The following GAK variants were observed in gnomAD, a reference collection of about 807,000 sequenced individuals.
GAK encodes cyclin-G-associated kinase.
Under a neutral mutation model 143.9 loss-of-function variants are expected in GAK, and 79 were observed. That is an observed-to-expected ratio of 0.55 (90% confidence interval 0.46 to 0.66). The LOEUF (loss-of-function observed/expected upper bound fraction) is 0.66. Ranked by LOEUF, GAK falls within the 30% of genes least tolerant of loss-of-function variation. GAK has a pLI of 0.00. For synonymous variants in GAK, 881 were observed against 765.5 expected (o/e 1.15, Z -2.49); for missense variants, 1,693 against 1,779.7 (o/e 0.95, Z 0.88).
Position 897,767 on chromosome 4 carries a change from G to A in GAK, c.651+266C>T, listed in dbSNP as rs1041731310. 2.0e-5 allele frequency among the ~76,000 whole-genome samples: 3 copies of A among 152,230 alleles called. 1 individual carries two copies. In the South Asian group the frequency reaches 6.2e-4, roughly 31 times the overall value. On this transcript the variant is annotated intron_variant, in intron 6 of 27. Coordinates refer to ENST00000314167, the MANE Select transcript of GAK (RefSeq NM_005255.4). ...AGATAGAGACCATCCTGGCCAACACGGTGAAACCCCGTCCCTACCAAAAAC... is the reference window on the plus strand; with the variant it reads ...AGATAGAGACCATCCTGGCCAACACAGTGAAACCCCGTCCCTACCAAAAAC...
chr4:866,891 A>C, intron 21 of GAK, 65 bp downstream of exon 21: 1 of 1,219,374 alleles, frequency 8.2e-7, no homozygotes, highest in Non-Finnish European at 1.1e-6. Flanking sequence ...CCATGCAGTG[A>C]GAATGACTCA....
rs754170967 is a variant in GAK at position 932,010 on chromosome 4, G to C, written c.145+33C>G. The C allele has an allele frequency of 6.8e-7, 1 of 1,475,804 alleles. No homozygotes were observed. The highest frequency in any genetic ancestry group is 9.3e-7 in the Non-Finnish European group (1 of 1,076,016). The allele number at this position is 1,475,804 out of a possible 1,614,324, so 91.4% of individuals were successfully genotyped here. A position where few individuals can be genotyped will look rare whatever the true frequency, so the allele number is the denominator to read the frequency against. On this transcript the variant is annotated intron_variant, in intron 1 of 27. Transcript: ENST00000314167. This position sits in a 1 kb window ranked among gnomAD's most constrained non-coding sequence, Gnocchi z 4.0. ...CAGCGTCCCGGAGACAACACTCCGC[G>C]GCCGCACCCGCGCTGCCGACCCGGG...
chr4:926,178 C>A (rs753417955), intron 1 of GAK, among the ~76,000 whole-genome samples: 2 of 152,158 alleles, frequency 1.3e-5, no homozygotes, highest in African/African-American at 4.8e-5. Flanking sequence ...ACAGTGACCT[C>A]CCCCAATGGT....
chr4:862,210 C>T (rs146867348), intron 23 of GAK, among the ~76,000 whole-genome samples: 19 of 152,074 alleles, frequency 1.2e-4, no homozygotes, highest in African/African-American at 1.9e-4. Context: ...CGCTAAGATC[C>T]GGCTGAGATC....
At chr4:876,947 C>T (rs1714039779) in intron 17 of GAK, 143 bp downstream of exon 17, 4 of 626,070 alleles carry the variant, frequency 6.4e-6, no homozygotes, top group Non-Finnish European at 1.1e-5. Flanking sequence ...CGCTGTGGGG[C>T]AGTCGCCACA....
rs544526386 is a variant in GAK at position 903,090 on chromosome 4, C to T, written c.525+1547G>A. 4.1e-4 allele frequency among the ~76,000 whole-genome samples: 61 copies of T among 150,602 alleles called. No homozygotes were observed. The South Asian group carries it at 9.1e-3, about 23-fold the overall frequency. ...AAGCAGCCACATCACATGGAAACCG[C>T]GCAGTGCCGGCAGCAGCACGGAGCG... On this transcript the variant is annotated intron_variant, in intron 5 of 27. Transcript: ENST00000314167.
intron 4 of GAK, among the ~76,000 whole-genome samples, chr4:907,077 G>A (rs1721208565): frequency 6.6e-6 from 1 of 152,232 alleles, no homozygotes; most frequent in South Asian, 2.1e-4. Flanking sequence ...CCCGATGCCT[G>A]CACACAGCAG....
Position 867,200 on chromosome 4 carries a change from T to TGGCACAGGCTCTGGC in GAK, c.2613_2627dup (p.Pro872_Pro876dup). The TGGCACAGGCTCTGGC allele has an allele frequency of 1.9e-6, 3 of 1,610,874 alleles. No homozygotes were observed. The highest frequency in any genetic ancestry group is 2.5e-6 in the Non-Finnish European group (3 of 1,178,492). On this transcript the variant is annotated inframe_insertion, in exon 21 of 28. Coordinates refer to ENST00000314167, the MANE Select transcript of GAK (RefSeq NM_005255.4). ...CCAGGAGGTCGACCCCGTCTTCCTG[T>TGGCACAGGCTCTGGC]GGCACAGGCTCTGGCAGCACAGCCG...
chr4:876,609 T>C lies in GAK; in HGVS notation c.1975A>G (p.Met659Val), dbSNP rs988638986. ...ATCTGGAACATCTTCATGGATGCCA[T>C]CTGCAAAGAGAGCAAACACGACACC... ...STLGGRLQAK[M>V]ASMKMFQIQF... The change falls in exon 18 of 28, where the codon ATG becomes GTG. Residue 659 changes from methionine to valine, a missense_variant and splice_region_variant. Physicochemically the swap from Met to Val is conservative, Grantham distance 21. Transcript: ENST00000314167. 4 of 1,614,036 alleles carry C rather than the reference T, an allele frequency of 2.5e-6. No homozygotes were observed. The highest frequency in any genetic ancestry group is 3.4e-6 in the Non-Finnish European group (4 of 1,179,946).
In GAK at chr4:894,002, C is replaced by T; in HGVS notation, c.749G>A (p.Gly250Asp). ...GAAGCACAGCAGGTACAAGATGCAG[C>T]CCAGGGCCTGCGGGGAGAGCAGGGG... is the stretch of plus-strand genomic sequence containing the variant. ...IGEKQDIWAL[G>D]CILYLLCFRQ... The change falls in exon 8 of 28, where the codon GGC becomes GAC. Residue 250 changes from glycine (G) to aspartate (D), a missense_variant. Transcript: ENST00000314167. 6.2e-7 allele frequency: 1 copy of T among 1,605,726 alleles called. No individual in the cohort carries two copies. Among genetic ancestry groups the T allele is most frequent in the Non-Finnish European group, 8.5e-7 (1 of 1,176,320 alleles).
At chr4:904,496 G>A (rs1720692099) in intron 5 of GAK, 141 bp downstream of exon 5, 2 of 773,006 alleles carry the variant, frequency 2.6e-6, no homozygotes, top group African/African-American at 3.9e-5. Context: ...TGGATGATGG[G>A]CGGCTCCTAA....
chr4:931,743 C>G (rs992970665), intron 1 of GAK, among the ~76,000 whole-genome samples: 1 of 152,120 alleles, frequency 6.6e-6, no homozygotes, highest in African/African-American at 2.4e-5. Flanking sequence ...GTTCCCCAAG[C>G]CCCAGGCCTT....
intron 20 of GAK, 67 bp downstream of exon 20, chr4:868,471 GC>G (rs1711539859): frequency 1.3e-6 from 2 of 1,549,622 alleles, no homozygotes; most frequent in Non-Finnish European, 1.7e-6. Flanking sequence ...CGCTTGCCCT[GC>G]CCCAGGGGCA....
chr4:922,702 T>C (rs1724100758), intron 1 of GAK, among the ~76,000 whole-genome samples: 1 of 152,118 alleles, frequency 6.6e-6, no homozygotes. Context: ...CGCTCCTACA[T>C]TGCTGGTGGG....
In GAK at chr4:898,063, G is replaced by C. The variant is rs528015613; in HGVS notation, c.621C>G (p.Ser207Arg). Reference sequence around the variant, plus strand: ...CCTCCACCAGGGCTCGCCTCTGGGCGCTCCAGCTGTAGTCAGGGTAGTGCG... The same window carrying C: ...CCTCCACCAGGGCTCGCCTCTGGGCCCTCCAGCTGTAGTCAGGGTAGTGCG... ...TISHYPDYSW[S>R]AQRRALVEEE... Residue 207 changes from serine (S) to arginine (R), a missense_variant, in exon 6 of 28, where the codon AGC becomes AGG. Physicochemically the swap from Ser to Arg is moderately radical, Grantham distance 110. Around this residue, in one of 2 missense-constraint regions of GAK, gnomAD observed 871 missense variants for 991.0 expected, o/e 0.88. Transcript: ENST00000314167. 3.1e-6 allele frequency: 5 copies of C among 1,613,906 alleles called. No homozygotes were observed. The South Asian group carries it at 5.5e-5, about 18-fold the overall frequency.
intron 7 of GAK, chr4:894,902 C>G (rs1718463619): frequency 2.0e-5 from 3 of 152,206 alleles, no homozygotes; most frequent in Admixed American, 2.0e-4. Context: ...ACTGCTTGAA[C>G]CCGGGAGGCA....
chr4:859,472 A>G, intron 24 of GAK, 134 bp downstream of exon 24: 1 of 1,601,938 alleles, frequency 6.2e-7, no homozygotes. Flanking sequence ...CCTTGGGCTC[A>G]CTGTGCTCTG....
intron 1 of GAK, among the ~76,000 whole-genome samples, chr4:920,528 G>A (rs1407720585): frequency 7.0e-6 from 1 of 143,418 alleles, no homozygotes; most frequent in African/African-American, 2.5e-5. Flanking sequence ...TTGTGAAAAA[G>A]GTTTAGAGCC....
At chr4:909,398 A>G (rs1721635155) in intron 4 of GAK, among the ~76,000 whole-genome samples, 2 of 152,204 alleles carry the variant, frequency 1.3e-5, no homozygotes, top group Admixed American at 6.5e-5. Flanking sequence ...AGACACCTCA[A>G]CCGAACACAC....
Sources: allele counts gnomAD v4.1 joint callset (sites outside exome capture counted in the v4.1 genomes callset), GRCh38; gene constraint gnomAD v4.1.1; regional missense constraint gnomAD v4.1.1; non-coding constraint Gnocchi (gnomAD v3.1); transcripts MANE v1.5; gene names NCBI Gene and HGNC (gene_info 2026-07-23, HGNC 2026-07-21).